The following UNC5C variants were observed in gnomAD, a reference collection of about 807,000 sequenced individuals.
The protein encoded by UNC5C is unc-5 netrin receptor C, also known as netrin receptor UNC5C.
UNC5C carries 47 observed loss-of-function variants against 99.8 expected under a neutral mutation model. That is an observed-to-expected ratio of 0.47 (90% CI 0.37 to 0.60). The LOEUF (loss-of-function observed/expected upper bound fraction) is 0.60. Among genes scored for constraint, UNC5C ranks in the 20% least tolerant of loss-of-function variants. The pLI, the probability that UNC5C is intolerant of heterozygous loss-of-function variation, is 0.00. For synonymous variants in UNC5C, 487 were observed against 452.2 expected, an observed-to-expected ratio of 1.08 and a Z score of -0.98; for missense variants, 1,062 against 1,165.9, an observed-to-expected ratio of 0.91 and a Z score of 1.30.
In UNC5C at chr4:95,236,605, G is replaced by T. The variant is rs529130717; in HGVS notation, c.1108+5824C>A. Among the ~76,000 whole-genome samples the T allele has an allele frequency of 2.8e-3, 351 of 123,554 alleles. 2 individuals are homozygous for T. Among genetic ancestry groups the T allele is most frequent in the Middle Eastern group, 7.4e-3 (2 of 270 alleles). 81.1% of individuals were successfully genotyped at this position (123,554 alleles called of 152,430 possible). ...AATAATAAAAAATAAATAAATAAAAGAAAAAAAAGAATAGAAAGCATATAG... is the reference window on the plus strand; with the variant it reads ...AATAATAAAAAATAAATAAATAAAATAAAAAAAAGAATAGAAAGCATATAG... On this transcript the variant is annotated intron_variant, in intron 7 of 15. Coordinates refer to ENST00000453304, the MANE Select transcript of UNC5C (RefSeq NM_003728.4).
rs59626139 is a variant in UNC5C, at chr4:95,308,751, C to CAAAA, written c.347-7006_347-7003dup. 3.3e-3 allele frequency among the ~76,000 whole-genome samples: 112 copies of CAAAA among 34,386 alleles called. 2 individuals carry two copies. Among genetic ancestry groups the CAAAA allele is most frequent in the African/African-American group, 4.9e-3 (43 of 8,752 alleles). The allele number at this position is 34,386 out of a possible 152,430, so 22.6% of individuals were successfully genotyped here. Reference sequence around the variant, plus strand: ...TGGCTGACAGAGTGAGACTCTGTCTCAAAAAAAAAAAAAAAAAAAAAAAAA... The same window carrying CAAAA: ...TGGCTGACAGAGTGAGACTCTGTCTCAAAAAAAAAAAAAAAAAAAAAAAAAAAAA... On this transcript the variant is annotated intron_variant, in intron 2 of 15. Coordinates refer to ENST00000453304, the MANE Select transcript of UNC5C (RefSeq NM_003728.4).
intron 5 of UNC5C, among the ~76,000 whole-genome samples, chr4:95,247,488 A>G: frequency 6.6e-6 from 1 of 152,156 alleles, no homozygotes; most frequent in African/African-American, 2.4e-5. Context: ...GGATATATGT[A>G]CTGTTCTGCT....
At chr4:95,468,529 G>T (rs1443987059) in intron 1 of UNC5C, among the ~76,000 whole-genome samples, 1 of 152,124 alleles carries the variant, frequency 6.6e-6, no homozygotes, top group Non-Finnish European at 1.5e-5. Flanking sequence ...GTGAAGTCAT[G>T]TACAACATCT....
At chr4:95,467,631 G>C (rs554434389) in intron 1 of UNC5C, among the ~76,000 whole-genome samples, 5 of 152,200 alleles carry the variant, frequency 3.3e-5, no homozygotes, top group Admixed American at 3.3e-4. Flanking sequence ...CTGCATAAAA[G>C]TATTGATTCC....
At chr4:95,181,418 T>C (rs1464948993) in intron 14 of UNC5C, among the ~76,000 whole-genome samples, 1 of 152,150 alleles carries the variant, frequency 6.6e-6, no homozygotes, top group East Asian at 1.9e-4. Flanking sequence ...TCCACCTTTT[T>C]AACACGCAGC....
At chr4:95,542,707 A>G (rs1722948942) in intron 1 of UNC5C, among the ~76,000 whole-genome samples, 1 of 152,120 alleles carries the variant, frequency 6.6e-6, no homozygotes, top group South Asian at 2.1e-4. Flanking sequence ...ATTTTCAAAC[A>G]TATTGTTCAT....
intron 1 of UNC5C, among the ~76,000 whole-genome samples, chr4:95,484,408 A>C (rs376925678): frequency 6.6e-6 from 1 of 151,762 alleles, no homozygotes; most frequent in East Asian, 2.0e-4. Flanking sequence ...TCCTGTTCCC[A>C]TTTCTGCCTG....
At chr4:95,265,198 C>G (rs1244474415) in intron 4 of UNC5C, among the ~76,000 whole-genome samples, 1 of 152,180 alleles carries the variant, frequency 6.6e-6, no homozygotes, top group Non-Finnish European at 1.5e-5. Context: ...TGACAACTCA[C>G]AAATCGTTAT....
intron 1 of UNC5C, among the ~76,000 whole-genome samples, chr4:95,398,607 G>T (rs1352140741): frequency 6.6e-6 from 1 of 152,076 alleles, no homozygotes; most frequent in Non-Finnish European, 1.5e-5. Context: ...TAATTACTAG[G>T]TTAGACAAAG....
intron 4 of UNC5C, among the ~76,000 whole-genome samples, chr4:95,265,526 C>G (rs1361219146): frequency 6.6e-6 from 1 of 152,106 alleles, no homozygotes; most frequent in Non-Finnish European, 1.5e-5. Context: ...ACACACAACA[C>G]AATGAAATGT....
intron 2 of UNC5C, among the ~76,000 whole-genome samples, chr4:95,325,128 A>G (rs1742839058): frequency 6.6e-6 from 1 of 152,176 alleles, no homozygotes; most frequent in Admixed American, 6.5e-5. Flanking sequence ...TAAAGGTGAA[A>G]CTATGGGACA....
At chr4:95,238,230 T>C (rs1015820860) in intron 7 of UNC5C, among the ~76,000 whole-genome samples, 1 of 152,232 alleles carries the variant, frequency 6.6e-6, no homozygotes, top group Non-Finnish European at 1.5e-5. Flanking sequence ...TTATGATCCC[T>C]GATATATGTA....
At chr4:95,500,393 A>G (rs1006394571) in intron 1 of UNC5C, among the ~76,000 whole-genome samples, 1 of 152,026 alleles carries the variant, frequency 6.6e-6, no homozygotes, top group Non-Finnish European at 1.5e-5. Context: ...CTTATACAAC[A>G]ATGTCTGGCC....
intron 4 of UNC5C, among the ~76,000 whole-genome samples, chr4:95,254,951 C>T (rs761353526): frequency 1.4e-4 from 22 of 151,816 alleles, no homozygotes; most frequent in Middle Eastern, 6.9e-3. Flanking sequence ...TCAAGATATT[C>T]ACTTGGCCAC....
At chr4:95,337,639 A>G (rs1316805968) in intron 1 of UNC5C, among the ~76,000 whole-genome samples, 1 of 152,006 alleles carries the variant, frequency 6.6e-6, no homozygotes, top group African/African-American at 2.4e-5. Flanking sequence ...TGGGCAAACT[A>G]ACTTTGTATT....
At chr4:95,315,336 C>A (rs7674128) in intron 2 of UNC5C, among the ~76,000 whole-genome samples, 2,268 of 152,196 alleles carry the variant, frequency 0.015, 55 homozygotes, top group African/African-American at 0.051. Context: ...TTGTTCAGGG[C>A]AGCTCTTCCT....
At chr4:95,332,771 A>T (rs1375452898) in intron 2 of UNC5C, among the ~76,000 whole-genome samples, 1 of 151,446 alleles carries the variant, frequency 6.6e-6, no homozygotes, top group Non-Finnish European at 1.5e-5. Context: ...AACTACCATC[A>T]GAGTGAACAG....
chr4:95,477,471 G>C (rs1212128148), intron 1 of UNC5C, among the ~76,000 whole-genome samples: 1 of 152,024 alleles, frequency 6.6e-6, no homozygotes, highest in Non-Finnish European at 1.5e-5. Flanking sequence ...AACTGAAGTT[G>C]GTGGAGCCAT....
At chr4:95,187,240 T>G (rs1009585938) in intron 12 of UNC5C, among the ~76,000 whole-genome samples, 1 of 152,230 alleles carries the variant, frequency 6.6e-6, no homozygotes, top group Non-Finnish European at 1.5e-5. Context: ...TAGAAATCTT[T>G]GAGATTACAG....
Sources: gnomAD v4.1 joint callset for allele counts (sites outside exome capture counted in the v4.1 genomes callset) on GRCh38, gnomAD v4.1.1 for gene constraint, MANE v1.5 for transcripts, NCBI Gene and HGNC (gene_info 2026-07-23, HGNC 2026-07-21) for gene names.